The following DMD variants were observed in gnomAD, a reference collection of about 807,000 sequenced individuals.
DMD encodes the protein mutant dystrophin.
DMD carries 63 observed loss-of-function variants against 330.1 expected under a neutral mutation model. The observed-to-expected ratio is 0.19, with a 90% CI of 0.16 to 0.24. The LOEUF is 0.24. Ranked by LOEUF, DMD falls within the 10% of genes least tolerant of loss-of-function variation. The pLI is 1.00. For synonymous variants in DMD, 1,223 were observed against 959.8 expected (o/e 1.27, Z -5.07); for missense variants, 3,344 against 2,684.1 (o/e 1.25, Z -5.43).
intron 43 of DMD, among the ~76,000 whole-genome samples, chrX:32,266,487 C>T (rs184698774): frequency 2.3e-4 from 26 of 112,007 alleles, no homozygotes; most frequent in African/African-American, 6.2e-4. Context: ...TACTTTTGAA[C>T]GCCATTGTCA....
At chrX:32,573,143 C>A (rs1026239398) in intron 15 of DMD, among the ~76,000 whole-genome samples, 4 of 111,456 alleles carry the variant, frequency 3.6e-5, no homozygotes, top group Admixed American at 1.9e-4. Context: ...AGGTTAAACT[C>A]CATCAATGTC....
chrX:31,935,089 C>T (rs2094906883), intron 45 of DMD, among the ~76,000 whole-genome samples: 1 of 111,743 alleles, frequency 8.9e-6, no homozygotes, highest in Non-Finnish European at 1.9e-5. Context: ...CTACACAGAC[C>T]TGGGAAGGAG....
In DMD at chrX:31,478,300, A is replaced by T; in HGVS notation, c.8743T>A (p.Trp2915Arg). 1 of 1,210,547 alleles carries T rather than the reference A, an allele frequency of 8.3e-7. No homozygotes were observed. The highest frequency in any genetic ancestry group is 1.1e-6 in the Non-Finnish European group (1 of 895,205). ...GCGGAGTGCAGGTTCAATTTTTCCC[A>T]CTCAGTATTGACCTCCTCAGCCTGC... ...RKQAEEVNTE[W>R]EKLNLHSADW... Residue 2915 changes from tryptophan (W) to arginine (R), a missense_variant, in exon 59 of 79, where the codon TGG becomes AGG. Coordinates refer to ENST00000357033, the MANE Select transcript of DMD (RefSeq NM_004006.3).
At chrX:31,706,729 A>G (rs144938567) in intron 52 of DMD, among the ~76,000 whole-genome samples, 55 of 112,296 alleles carry the variant, frequency 4.9e-4, no homozygotes, top group African/African-American at 1.5e-3. Context: ...GAATGCTCCT[A>G]TGGTTTTCTC....
At chrX:32,684,753 C>T (rs973499301) in intron 9 of DMD, among the ~76,000 whole-genome samples, 82 of 110,872 alleles carry the variant, frequency 7.4e-4, no homozygotes, top group African/African-American at 2.3e-3. Context: ...TGGGCTTTTT[C>T]GCTTTTGTCA....
chrX:32,449,955 G>A (rs1244303934), intron 26 of DMD, among the ~76,000 whole-genome samples: 1 of 111,142 alleles, frequency 9.0e-6, no homozygotes, highest in Admixed American at 9.6e-5. Flanking sequence ...AATGACTAGA[G>A]TTTAATCCTG....
intron 67 of DMD, among the ~76,000 whole-genome samples, chrX:31,201,994 C>G (rs1035741418): frequency 9.0e-6 from 1 of 110,931 alleles, no homozygotes; most frequent in Non-Finnish European, 1.9e-5. Context: ...GGAGTTTGAG[C>G]TCAGCCTGGC....
chrX:31,819,921 T>A, intron 50 of DMD, 54 bp downstream of exon 50: 1 of 992,631 alleles, frequency 1.0e-6, no homozygotes, highest in South Asian at 1.9e-5. Context: ...ACTTCATAGT[T>A]GCACTTTTGA....
At chrX:31,155,695 TAA>T (rs1393970980) in intron 74 of DMD, among the ~76,000 whole-genome samples, 1 of 111,186 alleles carries the variant, frequency 9.0e-6, no homozygotes, top group African/African-American at 3.3e-5. Flanking sequence ...GAAATTACAA[TAA>T]AGCTCAGTGC....
intron 22 of DMD, among the ~76,000 whole-genome samples, chrX:32,469,982 C>G (rs1360091059): frequency 9.0e-6 from 1 of 111,245 alleles, no homozygotes; most frequent in Admixed American, 9.7e-5. Flanking sequence ...TTAGGATGCA[C>G]TGAAGAGTTA....
At chrX:32,752,968 C>T (rs911647076) in intron 7 of DMD, among the ~76,000 whole-genome samples, 2 of 110,981 alleles carry the variant, frequency 1.8e-5, no homozygotes, top group Non-Finnish European at 3.8e-5. Context: ...ACCCTTTTTG[C>T]TGTATAAATT....
intron 16 of DMD, among the ~76,000 whole-genome samples, chrX:32,547,163 T>C (rs1569174299): frequency 9.0e-6 from 1 of 111,471 alleles, no homozygotes; most frequent in African/African-American, 3.3e-5. Context: ...ATTTTAAACA[T>C]ACAGACCAGA....
intron 61 of DMD, among the ~76,000 whole-genome samples, chrX:31,326,838 T>C (rs2056817626): frequency 8.9e-6 from 1 of 111,916 alleles, no homozygotes. Context: ...TATGTGGCAG[T>C]GCTCACAAGT....
intron 41 of DMD, among the ~76,000 whole-genome samples, chrX:32,313,206 C>G (rs2097570878): frequency 1.8e-5 from 2 of 110,546 alleles, no homozygotes; most frequent in South Asian, 7.8e-4. Flanking sequence ...CCATCACAAT[C>G]AAGTAGGCTT....
chrX:31,320,666 G>A (rs974282295), intron 62 of DMD, among the ~76,000 whole-genome samples: 1 of 111,653 alleles, frequency 9.0e-6, no homozygotes, highest in African/African-American at 3.3e-5. Context: ...AATAGTAATG[G>A]CTAATAAGAC....
chrX:31,495,851 C>T (rs1460604628), intron 57 of DMD, among the ~76,000 whole-genome samples: 1 of 111,563 alleles, frequency 9.0e-6, no homozygotes, highest in Non-Finnish European at 1.9e-5. Flanking sequence ...TGGAAGAATA[C>T]ACGAACACCT....
intron 57 of DMD, among the ~76,000 whole-genome samples, chrX:31,484,202 G>A (rs1217116914): frequency 9.0e-6 from 1 of 111,098 alleles, no homozygotes; most frequent in Non-Finnish European, 1.9e-5. Context: ...CTCCCAAAAA[G>A]GCCTGTTTGA....
intron 41 of DMD, among the ~76,000 whole-genome samples, chrX:32,336,159 GTGTGTATAACA>G (rs2097714189): frequency 9.1e-6 from 1 of 109,591 alleles, no homozygotes; most frequent in Admixed American, 9.8e-5. Flanking sequence ...TGTTATCTGT[GTGTGTATAACA>G]TGTGTATATA....
chrX:32,765,360 T>TC (rs2072851026), intron 7 of DMD, among the ~76,000 whole-genome samples: 2 of 110,193 alleles, frequency 1.8e-5, no homozygotes, highest in Admixed American at 9.8e-5. Flanking sequence ...GTATGACATC[T>TC]CCCTCCACCC....
Sources: gnomAD v4.1 joint callset for allele counts (sites outside exome capture counted in the v4.1 genomes callset) on GRCh38, gnomAD v4.1.1 for gene constraint, MANE v1.5 for transcripts, NCBI Gene and HGNC (gene_info 2026-07-23, HGNC 2026-07-21) for gene names.